ASTN2: variants seen among roughly 807,000 people sequenced by gnomAD.
ASTN2 encodes the protein astrotactin-2.
ASTN2 carries 54 observed loss-of-function variants against 139.8 expected under a neutral mutation model. That is an observed-to-expected ratio of 0.39 (90% CI 0.31 to 0.48). ASTN2 has a LOEUF of 0.48. Ranked by LOEUF, ASTN2 falls within the 20% of genes least tolerant of loss-of-function variation. The probability of loss-of-function intolerance (pLI) is 0.95; values close to 1 mark genes in which losing one functional copy is unlikely to be tolerated. For missense variants in ASTN2, 1,565 were observed against 1,725.1 expected (o/e 0.91, Z 1.64); for synonymous variants, 756 against 719.5 (o/e 1.05, Z -0.81).
At chr9:116,557,247 A>C (rs1852677089) in intron 19 of ASTN2, among the ~76,000 whole-genome samples, 1 of 150,788 alleles carries the variant, frequency 6.6e-6, no homozygotes, top group African/African-American at 2.4e-5. Context: ...AAAAAAAAAA[A>C]AAGAAAAGAA....
chr9:116,683,662 T>C (rs1455160234), intron 16 of ASTN2, among the ~76,000 whole-genome samples: 1 of 152,240 alleles, frequency 6.6e-6, no homozygotes, highest in Non-Finnish European at 1.5e-5. Flanking sequence ...AGATAGCATA[T>C]TTCTTTAGAG....
intron 19 of ASTN2, among the ~76,000 whole-genome samples, chr9:116,514,371 CAG>C (rs1850545005): frequency 6.6e-6 from 1 of 151,610 alleles, no homozygotes; most frequent in Admixed American, 6.6e-5. Context: ...ATTTTCGTCT[CAG>C]AGAGTTACCC....
At chr9:116,515,198 A>C (rs1850592156) in intron 19 of ASTN2, among the ~76,000 whole-genome samples, 2 of 152,180 alleles carry the variant, frequency 1.3e-5, no homozygotes, top group African/African-American at 4.8e-5. Flanking sequence ...TTGGATATTA[A>C]TATGAATCCT....
At chr9:117,330,301 A>T (rs1828661580) in intron 1 of ASTN2, among the ~76,000 whole-genome samples, 1 of 152,186 alleles carries the variant, frequency 6.6e-6, no homozygotes, top group South Asian at 2.1e-4. Flanking sequence ...AACCCAACTG[A>T]CACAACTAGA....
intron 19 of ASTN2, among the ~76,000 whole-genome samples, chr9:116,579,342 C>G (rs1853855596): frequency 6.6e-6 from 1 of 152,194 alleles, no homozygotes; most frequent in African/African-American, 2.4e-5. Context: ...GTTTCTGCTG[C>G]AATCTACCAC....
At chr9:116,982,058 C>T (rs562916855) in intron 7 of ASTN2, among the ~76,000 whole-genome samples, 5 of 152,268 alleles carry the variant, frequency 3.3e-5, no homozygotes, top group Admixed American at 2.6e-4. Flanking sequence ...AACAAAACAC[C>T]TTGATCATGA....
At chr9:116,877,533 C>T (rs556116717) in intron 10 of ASTN2, among the ~76,000 whole-genome samples, 1 of 152,258 alleles carries the variant, frequency 6.6e-6, no homozygotes, top group African/African-American at 2.4e-5. Flanking sequence ...GTGATAGATG[C>T]TTTAAAAATA....
chr9:116,995,970 GC>G (rs1837001191), intron 7 of ASTN2, among the ~76,000 whole-genome samples: 1 of 152,080 alleles, frequency 6.6e-6, no homozygotes, highest in Non-Finnish European at 1.5e-5. Flanking sequence ...CCTCCAAGTG[GC>G]TAGGACTACA....
intron 10 of ASTN2, among the ~76,000 whole-genome samples, chr9:116,949,136 T>C (rs1380283405): frequency 6.6e-6 from 1 of 151,992 alleles, no homozygotes; most frequent in East Asian, 1.9e-4. Flanking sequence ...TCTCAAAATA[T>C]ATCCCGGCAA....
At chr9:117,194,916 G>A (rs895168284) in intron 3 of ASTN2, among the ~76,000 whole-genome samples, 3 of 151,988 alleles carry the variant, frequency 2.0e-5, no homozygotes, top group Non-Finnish European at 2.9e-5. Context: ...AACACATAGA[G>A]GTTACCAATC....
chr9:117,331,804 T>C (rs1240289283), intron 1 of ASTN2, among the ~76,000 whole-genome samples: 2 of 152,192 alleles, frequency 1.3e-5, no homozygotes, highest in Admixed American at 6.5e-5. Context: ...TGAATTCCAC[T>C]GCAAAAACAC....
intron 7 of ASTN2, among the ~76,000 whole-genome samples, chr9:116,986,191 C>T (rs1418110481): frequency 7.7e-6 from 1 of 129,432 alleles, no homozygotes; most frequent in Non-Finnish European, 1.6e-5. Context: ...GTCACGTTTC[C>T]TCCTTGATTT....
At chr9:117,136,516 C>T (rs1408128377) in intron 4 of ASTN2, among the ~76,000 whole-genome samples, 1 of 152,108 alleles carries the variant, frequency 6.6e-6, no homozygotes, top group East Asian at 1.9e-4. Flanking sequence ...GACTTCATTT[C>T]AAAAGCTCAA....
At chr9:116,877,746 C>T (rs1389819564) in intron 10 of ASTN2, among the ~76,000 whole-genome samples, 1 of 152,120 alleles carries the variant, frequency 6.6e-6, no homozygotes, top group African/African-American at 2.4e-5. Context: ...CCCCACCATG[C>T]ACAGTGATCA....
intron 3 of ASTN2, among the ~76,000 whole-genome samples, chr9:117,190,659 C>T (rs529463985): frequency 2.0e-5 from 3 of 152,102 alleles, no homozygotes; most frequent in Non-Finnish European, 4.4e-5. Context: ...GTGCCAGGGA[C>T]CTTTATACCT....
intron 5 of ASTN2, among the ~76,000 whole-genome samples, chr9:117,087,277 C>G (rs919313896): frequency 5.3e-5 from 8 of 151,808 alleles, no homozygotes; most frequent in Admixed American, 3.9e-4. Flanking sequence ...CTCTGATGCC[C>G]AGTCTTTAGT....
chr9:117,336,057 G>GAAAA (rs35679249), intron 1 of ASTN2, among the ~76,000 whole-genome samples: 2 of 104,920 alleles, frequency 1.9e-5, no homozygotes, highest in Non-Finnish European at 3.9e-5. Context: ...GTCTGGAAAG[G>GAAAA]AAAAAAAAAA....
intron 5 of ASTN2, among the ~76,000 whole-genome samples, chr9:117,048,963 C>CTTTTTTTT (rs372277811): frequency 0.2 from 17,992 of 87,822 alleles, 4,299 homozygotes; most frequent in East Asian, 0.5. Flanking sequence ...TCATCCATTG[C>CTTTTTTTT]TTTTTTTTTT....
intron 10 of ASTN2, among the ~76,000 whole-genome samples, chr9:116,878,192 CCT>C (rs1183418134): frequency 2.0e-5 from 3 of 152,098 alleles, no homozygotes; most frequent in African/African-American, 4.8e-5. Flanking sequence ...CATTTGACCC[CCT>C]GTTACTGGGT....
Sources: allele counts gnomAD v4.1 joint callset (sites outside exome capture counted in the v4.1 genomes callset), GRCh38; gene constraint gnomAD v4.1.1; transcripts MANE v1.5; gene names NCBI Gene and HGNC (gene_info 2026-07-23, HGNC 2026-07-21).